Variants in RAB3B observed in about 807,000 individuals in gnomAD.
RAB3B encodes the protein RAB3B, member RAS oncogene family.
RAB3B carries 11 observed loss-of-function variants against 20.5 expected under a neutral mutation model. The ratio of observed to expected loss-of-function variants is 0.54; its 90% CI spans 0.34 to 0.89. The LOEUF (loss-of-function observed/expected upper bound fraction) is 0.89, where lower values mean the gene tolerates loss of function less well. RAB3B is among the 40% of genes least tolerant of loss of function. The pLI is 0.02. For synonymous variants in RAB3B, 99 were observed against 106.3 expected, an observed-to-expected ratio of 0.93 and a Z score of 0.42; for missense variants, 225 against 280.9, an observed-to-expected ratio of 0.80 and a Z score of 1.42.
intron 2 of RAB3B, among the ~76,000 whole-genome samples, chr1:51,946,407 T>A (rs1231770226): frequency 6.6e-6 from 1 of 151,930 alleles, no homozygotes; most frequent in Non-Finnish European, 1.5e-5. Flanking sequence ...CTGATGAGAG[T>A]CAGAAATAGA....
intron 2 of RAB3B, among the ~76,000 whole-genome samples, chr1:51,967,344 A>C (rs756341687): frequency 5.3e-5 from 8 of 151,848 alleles, no homozygotes; most frequent in Non-Finnish European, 1.0e-4. Context: ...AAATTAAATA[A>C]AATGAGAGAC....
In RAB3B at chr1:51,912,554, A is replaced by AATATAT. The variant is rs1171897939; in HGVS notation, c.*7367_*7372dup. 14 of 15,494 alleles carry AATATAT rather than the reference A, an allele frequency of 9.0e-4. No individual in the cohort carries two copies. The highest frequency in any genetic ancestry group is 2.1e-3 in the African/African-American group (12 of 5,738). 1.0% of individuals were successfully genotyped at this position (15,494 alleles called of 1,614,324 possible). A position where few individuals can be genotyped will look rare whatever the true frequency, so the allele number is the denominator to read the frequency against. On this transcript the variant is annotated 3_prime_UTR_variant, in exon 5 of 5. Transcript: ENST00000371655. ...AGACCGTCTCTATTAAAAAAAAAAA[A>AATATAT]ATATATATATATATATATATATATA...
chr1:51,913,535 G>T lies in RAB3B; in HGVS notation c.*6392C>A, dbSNP rs1008547561. 6.6e-6 allele frequency: 1 copy of T among 151,408 alleles called. No individual in the cohort carries two copies. Among genetic ancestry groups the T allele is most frequent in the African/African-American group, 2.4e-5 (1 of 41,140 alleles). The allele number at this position is 151,408 out of a possible 1,614,324, so 9.4% of individuals were successfully genotyped here. ...CGCCCAGGCTGAAGTGCAGTGGTGC[G>T]ATTTAGGCTCATTGCAACCTCCTCC... On this transcript the variant is annotated 3_prime_UTR_variant, in exon 5 of 5. Transcript: ENST00000371655.
Position 51,919,226 on chromosome 1 carries a change from A to G in RAB3B, c.*701T>C, listed in dbSNP as rs941066541. On this transcript the variant is annotated 3_prime_UTR_variant, in exon 5 of 5. Coordinates refer to ENST00000371655, the MANE Select transcript of RAB3B (RefSeq NM_002867.4). ...TCTCGATCTCCTGACCTCATGATCC[A>G]CCCGCCTCGGCCTCCCAAAGTGCTG... is the stretch of plus-strand genomic sequence containing the variant. The G allele has an allele frequency of 6.8e-6, 1 of 147,348 alleles. No homozygotes were observed. Among genetic ancestry groups the G allele is most frequent in the Non-Finnish European group, 1.5e-5 (1 of 66,660 alleles). 9.1% of individuals were successfully genotyped at this position (147,348 alleles called of 1,614,324 possible). A position where few individuals can be genotyped will look rare whatever the true frequency, so the allele number is the denominator to read the frequency against.
intron 2 of RAB3B, among the ~76,000 whole-genome samples, chr1:51,972,971 C>CA (rs984489527): frequency 1.3e-5 from 2 of 152,066 alleles, no homozygotes. Context: ...AATTGATACA[C>CA]AAAAAAATTC....
At chr1:51,955,591 G>T (rs1221205613) in intron 2 of RAB3B, among the ~76,000 whole-genome samples, 1 of 152,030 alleles carries the variant, frequency 6.6e-6, no homozygotes, top group African/African-American at 2.4e-5. Context: ...GTAGAGACAG[G>T]GTTTTACCAT....
intron 2 of RAB3B, among the ~76,000 whole-genome samples, chr1:51,946,543 A>G (rs929278645): frequency 2.0e-5 from 3 of 152,212 alleles, no homozygotes; most frequent in African/African-American, 4.8e-5. Context: ...TGAGCTCTTC[A>G]TATGGGCAGA....
rs1684046902 is a variant in RAB3B, at chr1:51,914,025, T to C, written c.*5902A>G. ...CCCAGACATGTGGATGTAGCTATCC[T>C]AGACCATCCTGCCTCAGCCAGAAGA... On this transcript the variant is annotated 3_prime_UTR_variant, in exon 5 of 5. Transcript: ENST00000371655. The C allele has an allele frequency of 1.3e-5, 2 of 152,280 alleles. No individual in the cohort carries two copies. The highest frequency in any genetic ancestry group is 6.6e-5 in the Admixed American group (1 of 15,266). 9.4% of individuals were successfully genotyped at this position (152,280 alleles called of 1,614,324 possible). A position where few individuals can be genotyped will look rare whatever the true frequency, so the allele number is the denominator to read the frequency against.
chr1:51,959,405 TG>T (rs1320796528), intron 2 of RAB3B, among the ~76,000 whole-genome samples: 1 of 152,084 alleles, frequency 6.6e-6, no homozygotes, highest in Non-Finnish European at 1.5e-5. Context: ...CCATCCACTC[TG>T]GAGGCTGTGG....
rs11205917 is a variant in RAB3B at position 51,985,236 on chromosome 1, C to T, written c.-1+5316G>A. On this transcript the variant is annotated intron_variant, in intron 1 of 4. Coordinates refer to ENST00000371655, the MANE Select transcript of RAB3B (RefSeq NM_002867.4). ...TCTGCAGGCAAATCTTGTTCAACTGCCCTCTCCCTGATTGTGGCTCCATTA... is the reference window on the plus strand; with the variant it reads ...TCTGCAGGCAAATCTTGTTCAACTGTCCTCTCCCTGATTGTGGCTCCATTA... Among the ~76,000 whole-genome samples the T allele has an allele frequency of 4.3e-3, 657 of 152,266 alleles. 4 individuals are homozygous for T. The highest frequency in any genetic ancestry group is 0.015 in the African/African-American group (628 of 41,536).
At chr1:51,941,980 T>A (rs1290995237) in intron 2 of RAB3B, among the ~76,000 whole-genome samples, 1 of 152,218 alleles carries the variant, frequency 6.6e-6, no homozygotes, top group Non-Finnish European at 1.5e-5. Flanking sequence ...CATATCCACA[T>A]CAAAGCTCTG....
At position 51,957,645 on chromosome 1, in the gene RAB3B, A is replaced by G. The variant is rs1171558374; in HGVS notation, c.228+19245T>C. Reference sequence around the variant, plus strand: ...TGACAGTGTGTTGGTAAAGTTCTGTATAAACAGTCGTGTTCATTTAATTTA... The same window carrying G: ...TGACAGTGTGTTGGTAAAGTTCTGTGTAAACAGTCGTGTTCATTTAATTTA... On this transcript the variant is annotated intron_variant, in intron 2 of 4. Transcript: ENST00000371655. Among the ~76,000 whole-genome samples, 5 of 152,234 alleles carry G rather than the reference A, an allele frequency of 3.3e-5. 1 individual carries two copies. In the East Asian group the frequency reaches 9.6e-4, roughly 29 times the overall value.
In RAB3B at chr1:51,967,521, C is replaced by CTTTTTTTTTTTTTCTTTT. The variant is rs771044746; in HGVS notation, c.228+9368_228+9369insAAAAGAAAAAAAAAAAAA. 1.1e-3 allele frequency among the ~76,000 whole-genome samples: 40 copies of CTTTTTTTTTTTTTCTTTT among 36,512 alleles called. 9 individuals are homozygous for CTTTTTTTTTTTTTCTTTT. Among genetic ancestry groups the CTTTTTTTTTTTTTCTTTT allele is most frequent in the Admixed American group, 1.9e-3 (3 of 1,576 alleles). 24.0% of individuals were successfully genotyped at this position (36,512 alleles called of 152,430 possible). ...TTCCTTTTTCTTTTCTTTTCTTTTT[C>CTTTTTTTTTTTTTCTTTT]TTTTTTTTTTTTTTTTTTGAGATAG... On this transcript the variant is annotated intron_variant, in intron 2 of 4. Coordinates refer to ENST00000371655, the MANE Select transcript of RAB3B (RefSeq NM_002867.4).
chr1:51,990,625 G>A lies in RAB3B; in HGVS notation c.-74C>T, dbSNP rs1685211790. On this transcript the variant is annotated 5_prime_UTR_variant, in exon 1 of 5. Transcript: ENST00000371655. ...GGACGGCAGGACCTGGCGTCGGGAG[G>A]GCGCGGAGGGGGCCGGGGCGGGGCG... The A allele has an allele frequency of 6.6e-6, 1 of 152,358 alleles. No homozygotes were observed. The allele number at this position is 152,358 out of a possible 1,614,324, so 9.4% of individuals were successfully genotyped here. A position where few individuals can be genotyped will look rare whatever the true frequency, so the allele number is the denominator to read the frequency against.
Position 51,913,662 on chromosome 1 carries a change from G to C in RAB3B, c.*6265C>G, listed in dbSNP as rs1017539749. The C allele has an allele frequency of 6.6e-6, 1 of 152,010 alleles. No homozygotes were observed. Among genetic ancestry groups the C allele is most frequent in the Non-Finnish European group, 1.5e-5 (1 of 68,026 alleles). 9.4% of individuals were successfully genotyped at this position (152,010 alleles called of 1,614,324 possible). A position where few individuals can be genotyped will look rare whatever the true frequency, so the allele number is the denominator to read the frequency against. On this transcript the variant is annotated 3_prime_UTR_variant, in exon 5 of 5. Transcript: ENST00000371655. ...AATTTTTGTATTTTTAGTAGAGATGGGTTTTCACCATGTTGGCCAGGCTGG... is the reference window on the plus strand; with the variant it reads ...AATTTTTGTATTTTTAGTAGAGATGCGTTTTCACCATGTTGGCCAGGCTGG...
At chr1:51,932,669 T>C (rs1204034883) in intron 4 of RAB3B, among the ~76,000 whole-genome samples, 1 of 152,260 alleles carries the variant, frequency 6.6e-6, no homozygotes, top group Non-Finnish European at 1.5e-5. Flanking sequence ...AAGAACAGCA[T>C]ATAAATACTC....
chr1:51,927,512 A>G (rs976289974), intron 4 of RAB3B, among the ~76,000 whole-genome samples: 3 of 152,236 alleles, frequency 2.0e-5, no homozygotes, highest in African/African-American at 7.2e-5. Context: ...ATGGTGGCTC[A>G]AGCCTGTAAT....
At position 51,919,205 on chromosome 1, in the gene RAB3B, G is replaced by T. The variant is rs954234119; in HGVS notation, c.*722C>A. The T allele has an allele frequency of 1.3e-5, 2 of 151,642 alleles. No individual in the cohort carries two copies. The highest frequency in any genetic ancestry group is 1.3e-4 in the Admixed American group (2 of 15,228). 9.4% of individuals were successfully genotyped at this position (151,642 alleles called of 1,614,324 possible). A position where few individuals can be genotyped will look rare whatever the true frequency, so the allele number is the denominator to read the frequency against. On this transcript the variant is annotated 3_prime_UTR_variant, in exon 5 of 5. Transcript: ENST00000371655. Reference sequence around the variant, plus strand: ...TCACCTTGTTAGCCAGGATGGTCTCGATCTCCTGACCTCATGATCCACCCG... The same window carrying T: ...TCACCTTGTTAGCCAGGATGGTCTCTATCTCCTGACCTCATGATCCACCCG...
chr1:51,928,260 C>A (rs1684273699), intron 4 of RAB3B, among the ~76,000 whole-genome samples: 1 of 152,100 alleles, frequency 6.6e-6, no homozygotes, highest in Non-Finnish European at 1.5e-5. Flanking sequence ...GCATGCACCA[C>A]CACGCCTGGC....
Sources: gnomAD v4.1 joint callset for allele counts (sites outside exome capture counted in the v4.1 genomes callset) on GRCh38, gnomAD v4.1.1 for gene constraint, MANE v1.5 for transcripts, NCBI Gene and HGNC (gene_info 2026-07-23, HGNC 2026-07-21) for gene names.